The following EIF3B variants were observed in gnomAD, a reference collection of about 807,000 sequenced individuals.
EIF3B encodes the protein eukaryotic translation initiation factor 3 subunit B.
EIF3B carries 10 observed loss-of-function variants against 104.6 expected under a neutral mutation model. That is an observed-to-expected ratio of 0.10 (90% CI 0.06 to 0.16). The LOEUF is 0.16. Ranked by LOEUF, EIF3B falls within the 10% of genes least tolerant of loss-of-function variation. EIF3B has a pLI of 1.00. For synonymous variants in EIF3B, 542 were observed against 417.2 expected (o/e 1.30, Z -3.65); for missense variants, 1,014 against 1,087.9 (o/e 0.93, Z 0.96).
chr7:2,378,474 GGTGT>G (rs1780805871), intron 15 of EIF3B: 1 of 230,132 alleles, frequency 4.3e-6, no homozygotes, highest in Non-Finnish European at 8.2e-6. Context: ...AATGACCCTG[GGTGT>G]CATGGAGGAA....
At chr7:2,354,103 G>C (rs754312976), upstream of EIF3B, 5 of 152,406 alleles carry the variant, frequency 3.3e-5, no homozygotes, top group Non-Finnish European at 7.3e-5. Context: ...GCGCTGTCCC[G>C]CGCTGAAGGC....
At chr7:2,378,450 AGC>A (rs1562493995) in intron 15 of EIF3B, 7 of 133,174 alleles carry the variant, frequency 5.3e-5, no homozygotes, top group East Asian at 4.5e-4. Flanking sequence ...GCTCCTGGGA[AGC>A]TGTGTTGTGT....
intron 2 of EIF3B, among the ~76,000 whole-genome samples, chr7:2,362,390 C>T (rs976698142): frequency 2.0e-5 from 3 of 152,154 alleles, no homozygotes; most frequent in African/African-American, 7.2e-5. Context: ...AAATAATGGA[C>T]GTTTTGATTA....
chr7:2,356,248 C>T (rs969755396), intron 1 of EIF3B, among the ~76,000 whole-genome samples: 1 of 152,126 alleles, frequency 6.6e-6, no homozygotes, highest in Admixed American at 6.6e-5. Flanking sequence ...GCTGATGTAG[C>T]CAGCGATACA....
upstream of EIF3B, among the ~76,000 whole-genome samples, chr7:2,354,654 G>A (rs898058016): frequency 2.6e-5 from 4 of 152,234 alleles, no homozygotes; most frequent in African/African-American, 9.6e-5. Flanking sequence ...CTGATGCACA[G>A]AAACAACCTT....
In EIF3B at chr7:2,354,956, C is replaced by T. The variant is rs1266303015; in HGVS notation, c.35C>T (p.Ala12Val). ...GCGGAGAACGTGGCGGTGCCCGAGG[C>T]GGCCGAGGAGCGCGCCGAGCCCGGC... The part of the protein sequence containing the change: ...QDAENVAVPE[A>V]AEERAEPGQQ... The change falls in exon 1 of 19, where the codon GCG (alanine) becomes GTG (valine). Residue 12 changes from alanine (A) to valine (V), a missense_variant. Around this residue, in one of 4 missense-constraint regions of EIF3B, gnomAD observed 488 missense variants for 404.3 expected, o/e 1.21. Transcript: ENST00000360876. The T allele has an allele frequency of 8.2e-7, 1 of 1,223,896 alleles. No homozygotes were observed. Among genetic ancestry groups the T allele is most frequent in the Non-Finnish European group, 1.0e-6 (1 of 975,468 alleles). The allele number at this position is 1,223,896 out of a possible 1,614,324, so 75.8% of individuals were successfully genotyped here. A position where few individuals can be genotyped will look rare whatever the true frequency, so the allele number is the denominator to read the frequency against.
chr7:2,363,515 G>A, intron 4 of EIF3B, 117 bp from the exon 5 acceptor site: 4 of 902,424 alleles, frequency 4.4e-6, no homozygotes, highest in Non-Finnish European at 6.6e-6. Context: ...TGAGGTTAGG[G>A]TGTGACTTGG....
rs116222775 is a variant in EIF3B at position 2,368,218 on chromosome 7, C to T, written c.1403+1173C>T. ...AGTACAGTGGCGTGATCTCGGCTGA[C>T]TGCAGCCTTCACCTCCCAGGTTCAA... On this transcript the variant is annotated intron_variant, in intron 9 of 18. Transcript: ENST00000360876. Among the ~76,000 whole-genome samples, 610 of 152,280 alleles carry T rather than the reference C, an allele frequency of 4.0e-3. 7 individuals are homozygous for T. Among genetic ancestry groups the T allele is most frequent in the African/African-American group, 0.014 (578 of 41,550 alleles).
At chr7:2,359,306 G>C (rs1456066749) in intron 1 of EIF3B, among the ~76,000 whole-genome samples, 1 of 152,166 alleles carries the variant, frequency 6.6e-6, no homozygotes, top group African/African-American at 2.4e-5. Context: ...CCAACCACGT[G>C]ATTAGAGGGT....
At chr7:2,366,130 G>A (rs567515471) in intron 6 of EIF3B, among the ~76,000 whole-genome samples, 187 bp from the exon 7 acceptor site, 30 of 152,208 alleles carry the variant, frequency 2.0e-4, no homozygotes, top group African/African-American at 6.0e-4. Context: ...CGCCTGCAGC[G>A]TATTGACACC....
At chr7:2,362,848 C>T (rs1002162323) in intron 3 of EIF3B, 84 bp downstream of exon 3, 16 of 1,577,168 alleles carry the variant, frequency 1.0e-5, no homozygotes, top group African/African-American at 1.3e-5. Flanking sequence ...CTTCTCGGTG[C>T]TGGTGTCTGT....
chr7:2,362,647 A>G lies in EIF3B; in HGVS notation c.695A>G (p.Tyr232Cys), dbSNP rs778237987. Residue 232 changes from tyrosine (Y) to cysteine (C), a missense_variant and splice_region_variant, in exon 3 of 19, where the codon TAT becomes TGT. Physicochemically the swap from Tyr to Cys is radical, Grantham distance 194. Transcript: ENST00000360876. ...YPEEDGKTKG[Y>C]IFLEYASPAH... ...GCCAACGGCCCTCTCTCACTCAGGT[A>G]TATTTTCCTGGAGTACGCGTCCCCT... 1.2e-6 allele frequency: 2 copies of G among 1,614,226 alleles called. No homozygotes were observed. Among genetic ancestry groups the G allele is most frequent in the Admixed American group, 1.7e-5 (1 of 60,024 alleles).
chr7:2,358,876 A>G (rs1324864816), intron 1 of EIF3B, among the ~76,000 whole-genome samples: 1 of 152,160 alleles, frequency 6.6e-6, no homozygotes, highest in Admixed American at 6.6e-5. Context: ...CCTGCGAGGC[A>G]TTTCATCACA....
At chr7:2,375,644 A>G (rs2115333024) in intron 14 of EIF3B, 117 bp downstream of exon 14, 1 of 1,458,982 alleles carries the variant, frequency 6.9e-7, no homozygotes, top group South Asian at 1.2e-5. Context: ...TCTGTGTTGA[A>G]CAGAAGCCTT....
chr7:2,379,632 T>C, intron 18 of EIF3B, 121 bp downstream of exon 18: 2 of 703,174 alleles, frequency 2.8e-6, no homozygotes, highest in Non-Finnish European at 4.9e-6. Context: ...CCTAGTGTCA[T>C]GTGCCCAGGG....
At chr7:2,375,575 T>G (rs1583179465) in intron 14 of EIF3B, 48 bp downstream of exon 14, 1 of 1,611,248 alleles carries the variant, frequency 6.2e-7, no homozygotes, top group Non-Finnish European at 8.5e-7. Flanking sequence ...AAGCAGGGAG[T>G]GCTGGCTAGC....
chr7:2,369,546 T>A lies in EIF3B; in HGVS notation c.1478T>A (p.Val493Glu). Residue 493 changes from valine (V) to glutamate (E), a missense_variant, in exon 10 of 19, where the codon GTA (valine) becomes GAA (glutamate). Around this residue, in one of 4 missense-constraint regions of EIF3B, gnomAD observed 59 missense variants for 118.8 expected, o/e 0.50. Transcript: ENST00000360876. ...VPEDKDIPAR[V>E]TLMQLPTRQE... The stretch of plus-strand genomic sequence containing the variant: ...GAAGACAAAGATATTCCAGCCAGGG[T>A]AACCCTGATGCAGCTCCCTACCAGG... The A allele has an allele frequency of 6.2e-7, 1 of 1,614,182 alleles. No homozygotes were observed. The highest frequency in any genetic ancestry group is 8.5e-7 in the Non-Finnish European group (1 of 1,180,038).
chr7:2,365,426 G>T (rs184489816), intron 6 of EIF3B, among the ~76,000 whole-genome samples: 1 of 152,306 alleles, frequency 6.6e-6, no homozygotes, highest in Admixed American at 6.5e-5. Flanking sequence ...GGAAGGCAGT[G>T]CGAGGCGAGC....
chr7:2,378,616 G>C, intron 15 of EIF3B, 73 bp from the exon 16 acceptor site: 1 of 1,368,790 alleles, frequency 7.3e-7, no homozygotes. Flanking sequence ...ATGTCATGTT[G>C]GCAACTCTGA....
Sources: gnomAD v4.1 joint callset for allele counts (sites outside exome capture counted in the v4.1 genomes callset) on GRCh38, gnomAD v4.1.1 for gene constraint, gnomAD v4.1.1 regional missense constraint, MANE v1.5 for transcripts, NCBI Gene and HGNC (gene_info 2026-07-23, HGNC 2026-07-21) for gene names.